The following NPL variants were observed in gnomAD, a reference collection of about 807,000 sequenced individuals.
NPL encodes the protein N-acetylneuraminate lyase.
In NPL, 32 loss-of-function variants were observed where a neutral mutation model predicts 41.1. The ratio of observed to expected loss-of-function variants is 0.78; its 90% CI spans 0.59 to 1.05. The LOEUF (loss-of-function observed/expected upper bound fraction) is 1.05, where lower values mean the gene tolerates loss of function less well. NPL is among the 50% of genes least tolerant of loss of function. NPL has a pLI of 0.00. For synonymous variants in NPL, 128 were observed against 134.9 expected (o/e 0.95, Z 0.35); for missense variants, 321 against 378.4 (o/e 0.85, Z 1.26).
At chr1:182,815,103 CT>C (rs1667287501) in intron 7 of NPL, among the ~76,000 whole-genome samples, 1 of 152,150 alleles carries the variant, frequency 6.6e-6, no homozygotes, top group African/African-American at 2.4e-5. Context: ...CCTGGTTGAT[CT>C]GTAGATGCCT....
chr1:182,809,789 C>T (rs1321917765), intron 5 of NPL: 2 of 152,126 alleles, frequency 1.3e-5, no homozygotes, highest in African/African-American at 4.8e-5. Context: ...CTCGTTGGAG[C>T]CTCCTCCTGG....
chr1:182,825,999 G>A, intron 12 of NPL, 179 bp downstream of exon 12: 2 of 663,676 alleles, frequency 3.0e-6, no homozygotes, highest in South Asian at 1.7e-5. Context: ...AAACCTAGTT[G>A]GAAAATCTTT....
At chr1:182,791,233 GT>G (rs1396137713) in intron 1 of NPL, 6 of 152,074 alleles carry the variant, frequency 3.9e-5, no homozygotes, top group African/African-American at 1.4e-4. Context: ...GTTTTTGTTT[GT>G]TTTTGTTTTT....
chr1:182,825,901 C>T, intron 12 of NPL, 81 bp downstream of exon 12: 1 of 1,025,178 alleles, frequency 9.8e-7, no homozygotes, highest in East Asian at 2.4e-5. Context: ...TCTGAGGGTT[C>T]AACAAGAACA....
chr1:182,799,037 G>C (rs1395146215), intron 3 of NPL, among the ~76,000 whole-genome samples: 2 of 152,256 alleles, frequency 1.3e-5, no homozygotes, highest in African/African-American at 2.4e-5. Context: ...TGTGGATTCT[G>C]TCTTCTCAGA....
chr1:182,793,728 G>T (rs1666579433), intron 2 of NPL, among the ~76,000 whole-genome samples: 1 of 152,202 alleles, frequency 6.6e-6, no homozygotes, highest in African/African-American at 2.4e-5. Flanking sequence ...CTTGTTTTAG[G>T]TGAGATTCTA....
intron 1 of NPL, 134 bp downstream of exon 1, chr1:182,789,939 G>C (rs1168726684): frequency 1.3e-5 from 2 of 152,394 alleles, no homozygotes; most frequent in Non-Finnish European, 2.9e-5. Context: ...GAGGAAAGAG[G>C]GAAGGCAGAT....
intron 4 of NPL, among the ~76,000 whole-genome samples, chr1:182,805,502 C>T (rs1571434611): frequency 6.6e-6 from 1 of 152,200 alleles, no homozygotes; most frequent in Admixed American, 6.5e-5. Context: ...TTTGGAATCA[C>T]ACAACTCTGG....
chr1:182,808,609 C>G (rs1472897042), intron 5 of NPL, among the ~76,000 whole-genome samples: 1 of 152,122 alleles, frequency 6.6e-6, no homozygotes, highest in Admixed American at 6.5e-5. Context: ...GAGCGTGTTT[C>G]TGTGCTGAAA....
intron 3 of NPL, among the ~76,000 whole-genome samples, chr1:182,797,738 C>T (rs1338408801): frequency 1.3e-5 from 2 of 152,194 alleles, no homozygotes; most frequent in Non-Finnish European, 2.9e-5. Context: ...TCCCATAGCA[C>T]CCTTTTTGTA....
intron 1 of NPL, chr1:182,791,178 G>A (rs1484727167): frequency 6.6e-6 from 1 of 152,040 alleles, no homozygotes; most frequent in African/African-American, 2.4e-5. Context: ...ATTTTCGGCT[G>A]GGGTATCAGG....
In NPL at chr1:182,829,138, A is replaced by G; in HGVS notation, c.*230A>G. ...ATTCATTTCACAGATTTTTTTGTGGAGAAATTTCTGTTTATATGGATGAAA... is the reference window on the plus strand; with the variant it reads ...ATTCATTTCACAGATTTTTTTGTGGGGAAATTTCTGTTTATATGGATGAAA... On this transcript the variant is annotated 3_prime_UTR_variant, in exon 13 of 13. Transcript: ENST00000367553. 7.3e-7 allele frequency: 1 copy of G among 1,375,748 alleles called. No homozygotes were observed. The highest frequency in any genetic ancestry group is 2.8e-5 in the East Asian group (1 of 35,376). 85.2% of individuals were successfully genotyped at this position (1,375,748 alleles called of 1,614,324 possible).
rs1347776614 is a variant in NPL at position 182,829,905 on chromosome 1, C to T, written c.*997C>T. On this transcript the variant is annotated 3_prime_UTR_variant, in exon 13 of 13. Transcript: ENST00000367553. Reference sequence around the variant, plus strand: ...ATGTATCAACAACTGTTTAATCTCCCTTCTAACAAACCTTGATATAAGCTT... The same window carrying T: ...ATGTATCAACAACTGTTTAATCTCCTTTCTAACAAACCTTGATATAAGCTT... The T allele has an allele frequency of 5.0e-6, 2 of 398,706 alleles. No individual in the cohort carries two copies. Among genetic ancestry groups the T allele is most frequent in the African/African-American group, 4.0e-5 (2 of 49,712 alleles). The allele number at this position is 398,706 out of a possible 1,614,324, so 24.7% of individuals were successfully genotyped here.
intron 7 of NPL, among the ~76,000 whole-genome samples, chr1:182,816,343 A>G (rs1213161926): frequency 6.6e-6 from 1 of 152,232 alleles, no homozygotes; most frequent in Non-Finnish European, 1.5e-5. Flanking sequence ...TTATTATCCT[A>G]TAGTAGTCTC....
At chr1:182,799,969 C>G (rs1469715485) in intron 3 of NPL, among the ~76,000 whole-genome samples, 1 of 152,174 alleles carries the variant, frequency 6.6e-6, no homozygotes, top group Non-Finnish European at 1.5e-5. Flanking sequence ...GAATTGACTT[C>G]TGTCAACTCA....
At chr1:182,792,538 T>C (rs1475231519) in intron 2 of NPL, among the ~76,000 whole-genome samples, 1 of 152,190 alleles carries the variant, frequency 6.6e-6, no homozygotes, top group East Asian at 1.9e-4. Flanking sequence ...GGCCTGCTTA[T>C]TGTACTGAGG....
intron 2 of NPL, 96 bp downstream of exon 2, chr1:182,792,382 C>T (rs1407453132): frequency 1.3e-5 from 2 of 152,110 alleles, no homozygotes; most frequent in Non-Finnish European, 2.9e-5. Flanking sequence ...ATGGCAGGTC[C>T]CTTTGGGCAT....
At chr1:182,817,311 A>G (rs1427384197) in intron 8 of NPL, among the ~76,000 whole-genome samples, 1 of 152,230 alleles carries the variant, frequency 6.6e-6, no homozygotes, top group African/African-American at 2.4e-5. Flanking sequence ...TCTAAATTCC[A>G]TAAGAGGAAA....
intron 10 of NPL, among the ~76,000 whole-genome samples, chr1:182,819,527 C>T (rs796335947): frequency 2.7e-4 from 41 of 152,088 alleles, no homozygotes; most frequent in African/African-American, 9.9e-4. Flanking sequence ...ATGAGAATCA[C>T]CTGAACCCAG....
Sources: gnomAD v4.1 joint callset for allele counts (sites outside exome capture counted in the v4.1 genomes callset) on GRCh38, gnomAD v4.1.1 for gene constraint, MANE v1.5 for transcripts, NCBI Gene and HGNC (gene_info 2026-07-23, HGNC 2026-07-21) for gene names.